Variants in ATP13A4 observed in about 807,000 individuals in gnomAD.
The protein encoded by ATP13A4 is probable cation-transporting ATPase 13A4.
A neutral mutation model predicts 142.5 loss-of-function variants in ATP13A4; 114 were observed. The ratio of observed to expected loss-of-function variants is 0.80; its 90% CI spans 0.69 to 0.93. The LOEUF (loss-of-function observed/expected upper bound fraction) is 0.93, where lower values mean the gene tolerates loss of function less well. Ranked by LOEUF, ATP13A4 falls within the 40% of genes least tolerant of loss-of-function variation. The pLI, the probability that ATP13A4 is intolerant of heterozygous loss-of-function variation, is 0.00. For synonymous variants in ATP13A4, 488 were observed against 514.8 expected (o/e 0.95, Z 0.70); for missense variants, 1,392 against 1,454.0 (o/e 0.96, Z 0.69).
chr3:193,469,954 T>A (rs962887526), intron 9 of ATP13A4, among the ~76,000 whole-genome samples: 1 of 152,216 alleles, frequency 6.6e-6, no homozygotes, highest in African/African-American at 2.4e-5. Context: ...GAAAAGAACC[T>A]GCTTTGCCAT....
At chr3:193,426,821 T>C (rs563022676) in intron 25 of ATP13A4, among the ~76,000 whole-genome samples, 2 of 149,046 alleles carry the variant, frequency 1.3e-5, no homozygotes, top group Admixed American at 6.9e-5. Context: ...CTCTACTTCA[T>C]ACCACATGTA....
At chr3:193,411,170 C>T (rs1714747982) in intron 27 of ATP13A4, 100 bp from the exon 28 acceptor site, 1 of 841,806 alleles carries the variant, frequency 1.2e-6, no homozygotes, top group African/African-American at 1.7e-5. Flanking sequence ...ATTTAATTTA[C>T]TTGATTTCTA....
intron 21 of ATP13A4, 139 bp downstream of exon 21, chr3:193,440,419 C>T (rs571605068): frequency 1.1e-5 from 16 of 1,478,398 alleles, no homozygotes; most frequent in South Asian, 2.5e-5. Flanking sequence ...TTCTCCAAAG[C>T]TCCCAAGTGA....
chr3:193,555,073 C>T, upstream of ATP13A4: 1 of 659,642 alleles, frequency 1.5e-6, no homozygotes, highest in Non-Finnish European at 2.4e-6. Context: ...GGAGGCTGCT[C>T]CCATGCCGAT....
intron 23 of ATP13A4, among the ~76,000 whole-genome samples, chr3:193,436,151 C>G (rs1716254114): frequency 6.6e-6 from 1 of 152,120 alleles, no homozygotes; most frequent in Non-Finnish European, 1.5e-5. Context: ...AATAAAATTC[C>G]AGATTCAGGG....
chr3:193,554,401 T>C (rs780766099), intron 1 of ATP13A4: 64 of 365,626 alleles, frequency 1.8e-4, no homozygotes, highest in Admixed American at 2.8e-4. Flanking sequence ...CTAAAATTGT[T>C]AGGTGTTTTG....
intron 2 of ATP13A4, among the ~76,000 whole-genome samples, chr3:193,568,822 T>G (rs1724197095): frequency 6.6e-6 from 1 of 152,164 alleles, no homozygotes; most frequent in Non-Finnish European, 1.5e-5. Flanking sequence ...TGGCCAAAGT[T>G]GGAACCATTT....
intron 1 of ATP13A4, among the ~76,000 whole-genome samples, chr3:193,582,109 A>AT (rs71179311): frequency 1.6e-5 from 2 of 121,666 alleles, no homozygotes; most frequent in East Asian, 2.3e-4. Context: ...ATATATATAT[A>AT]ATATACACAT....
chr3:193,547,289 C>A (rs942978263), intron 1 of ATP13A4, among the ~76,000 whole-genome samples: 7 of 152,214 alleles, frequency 4.6e-5, no homozygotes, highest in Admixed American at 4.6e-4. Context: ...GATGTAACAT[C>A]CTTTAAAATA....
At chr3:193,517,512 G>A (rs964150255) in intron 1 of ATP13A4, among the ~76,000 whole-genome samples, 4 of 152,112 alleles carry the variant, frequency 2.6e-5, no homozygotes, top group Non-Finnish European at 4.4e-5. Flanking sequence ...ACGGAGTTTC[G>A]CTCTGTCGCC....
At chr3:193,589,683 T>G (rs1326837300) in intron 1 of ATP13A4, among the ~76,000 whole-genome samples, 1 of 152,200 alleles carries the variant, frequency 6.6e-6, no homozygotes, top group African/African-American at 2.4e-5. Context: ...AAAATATTTT[T>G]AACATGTTTT....
At chr3:193,426,217 C>T (rs1022995647) in intron 25 of ATP13A4, among the ~76,000 whole-genome samples, 3 of 151,712 alleles carry the variant, frequency 2.0e-5, no homozygotes, top group African/African-American at 7.3e-5. Context: ...TGTTTCTGTA[C>T]ACCAGCAGTG....
chr3:193,554,977 G>C, upstream of ATP13A4: 1 of 1,514,850 alleles, frequency 6.6e-7, no homozygotes, highest in Non-Finnish European at 8.9e-7. Context: ...TTGGCAAACT[G>C]AACTCCTCCC....
intron 29 of ATP13A4, chr3:193,404,154 GTTC>G (rs1411186993): frequency 1.1e-5 from 11 of 985,172 alleles, no homozygotes; most frequent in Non-Finnish European, 1.2e-5. Flanking sequence ...GAAAACAGTA[GTTC>G]TTCTTAGAGC....
Position 193,418,316 on chromosome 3 carries a change from C to CAA in ATP13A4, c.2843-3568_2843-3567dup, listed in dbSNP as rs60172777. ...CCTGGGCAACAGCGAGACTCCATCT[C>CAA]AAAAAAAAAAAAAAGAAATTAAAGT... On this transcript the variant is annotated intron_variant, in intron 25 of 29. Coordinates refer to ENST00000342695, the MANE Select transcript of ATP13A4 (RefSeq NM_032279.4). Among the ~76,000 whole-genome samples, 9 of 105,038 alleles carry CAA rather than the reference C, an allele frequency of 8.6e-5. 1 individual carries two copies. Among genetic ancestry groups the CAA allele is most frequent in the Admixed American group, 4.3e-4 (4 of 9,406 alleles). 68.9% of individuals were successfully genotyped at this position (105,038 alleles called of 152,430 possible).
chr3:193,480,472 T>C (rs1719225999), intron 8 of ATP13A4, among the ~76,000 whole-genome samples: 1 of 151,868 alleles, frequency 6.6e-6, no homozygotes, highest in African/African-American at 2.4e-5. Context: ...GCTAAGAACA[T>C]GAATAGACAA....
chr3:193,448,490 C>T (rs538553559), intron 17 of ATP13A4, among the ~76,000 whole-genome samples, 160 bp from the exon 18 acceptor site: 1 of 152,128 alleles, frequency 6.6e-6, no homozygotes, highest in Non-Finnish European at 1.5e-5. Flanking sequence ...TGCCCACCAC[C>T]ACGCCCGGCT....
At chr3:193,516,514 C>A (rs1721422429) in intron 1 of ATP13A4, among the ~76,000 whole-genome samples, 1 of 152,218 alleles carries the variant, frequency 6.6e-6, no homozygotes, top group Non-Finnish European at 1.5e-5. Flanking sequence ...AACACACTGG[C>A]AGCAATGCTC....
chr3:193,506,491 A>G (rs538823743), intron 2 of ATP13A4, among the ~76,000 whole-genome samples: 2 of 152,350 alleles, frequency 1.3e-5, no homozygotes, highest in East Asian at 3.9e-4. Context: ...AAACAGAGGG[A>G]GAAACCTGGA....
Sources: allele counts gnomAD v4.1 joint callset (sites outside exome capture counted in the v4.1 genomes callset), GRCh38; gene constraint gnomAD v4.1.1; transcripts MANE v1.5; gene names NCBI Gene and HGNC (gene_info 2026-07-23, HGNC 2026-07-21).